The following METTL25B variants were observed in gnomAD, a reference collection of about 807,000 sequenced individuals.
METTL25B encodes methyltransferase like 25B.
A neutral mutation model predicts 48.4 loss-of-function variants in METTL25B; 38 were observed. The observed-to-expected ratio is 0.78, with a 90% CI of 0.61 to 1.03. The LOEUF is 1.03. Among genes scored for constraint, METTL25B ranks in the 50% least tolerant of loss-of-function variants. The pLI, the probability that METTL25B is intolerant of heterozygous loss-of-function variation, is 0.00. For missense variants in METTL25B, 537 were observed against 603.7 expected, an observed-to-expected ratio of 0.89 and a Z score of 1.16; for synonymous variants, 230 against 254.5, an observed-to-expected ratio of 0.90 and a Z score of 0.92.
chr1:156,734,381 C>T lies in METTL25B; in HGVS notation c.1009C>T (p.Arg337Ter), dbSNP rs377702131. ...GCTACAGAAAGCTGGCCCTGGCCTTCGAACTCACTGCTACCGTGCAGCACT... is the reference window on the plus strand; with the variant it reads ...GCTACAGAAAGCTGGCCCTGGCCTTTGAACTCACTGCTACCGTGCAGCACT... Reference protein sequence around the residue: ...ERLQKAGPGLRTHCYRAALET... With the variant: ...ERLQKAGPGL The change falls in exon 6 of 8, where the codon CGA becomes TGA. Residue 337 changes from arginine to a stop codon, truncating the protein, a stop_gained. Transcript: ENST00000368216. LOFTEE classifies it high-confidence loss of function. 6.8e-6 allele frequency: 11 copies of T among 1,613,636 alleles called. No homozygotes were observed. The highest frequency in any genetic ancestry group is 1.6e-4 in the Middle Eastern group (1 of 6,084).
In METTL25B at chr1:156,734,455, G is replaced by A; in HGVS notation, c.1083G>A (p.Val361=). Residue 361 remains valine, a synonymous_variant, in exon 6 of 8, where the codon GTG becomes GTA. Transcript: ENST00000368216. ...RARPELRRPG[V]QGIPRVHELK... ...GGCCCGAGCTCCGTCGGCCAGGCGT[G>A]CAGGGTATCCCCAGGGTCCACGAGC... is the stretch of plus-strand genomic sequence containing the variant. 1 of 1,602,508 alleles carries A rather than the reference G, an allele frequency of 6.2e-7. No individual in the cohort carries two copies. Among genetic ancestry groups the A allele is most frequent in the Non-Finnish European group, 8.5e-7 (1 of 1,174,712 alleles).
Position 156,734,325 on chromosome 1 carries a change from C to T in METTL25B, c.953C>T (p.Ala318Val). Reference sequence around the variant, plus strand: ...CTGCCCTACCGGCTTCGGGAGGGGGCCTGCCATGCCCTGGAGGAATATGCT... The same window carrying T: ...CTGCCCTACCGGCTTCGGGAGGGGGTCTGCCATGCCCTGGAGGAATATGCT... ...YELPYRLREG[A>V]CHALEEYAER... is the part of the protein sequence containing the mutation. Residue 318 changes from alanine (A) to valine (V), a missense_variant, in exon 6 of 8, where the codon GCC becomes GTC. Coordinates refer to ENST00000368216, the MANE Select transcript of METTL25B (RefSeq NM_015997.4). 1 of 1,614,022 alleles carries T rather than the reference C, an allele frequency of 6.2e-7. No individual in the cohort carries two copies. The highest frequency in any genetic ancestry group is 1.1e-5 in the South Asian group (1 of 91,074).
chr1:156,730,573 A>AT (rs1247351352), intron 1 of METTL25B, among the ~76,000 whole-genome samples: 2 of 151,408 alleles, frequency 1.3e-5, no homozygotes, highest in East Asian at 1.9e-4. Context: ...AAATAAAATA[A>AT]AATAAAAAAA....
chr1:156,736,461 G>T, intron 7 of METTL25B, 171 bp from the exon 8 acceptor site: 1 of 673,056 alleles, frequency 1.5e-6, no homozygotes. Context: ...CAAGAGGACT[G>T]CCTCCCAAGT....
rs1279310780 is a variant in METTL25B, at chr1:156,728,595, G to T, written c.-510G>T. 1 of 985,968 alleles carries T rather than the reference G, an allele frequency of 1.0e-6. No individual in the cohort carries two copies. The highest frequency in any genetic ancestry group is 1.2e-6 in the Non-Finnish European group (1 of 830,026). The allele number at this position is 985,968 out of a possible 1,614,324, so 61.1% of individuals were successfully genotyped here. On this transcript the variant is annotated 5_prime_UTR_variant, in exon 1 of 8. Transcript: ENST00000368216. ...CAGTGATTCCGAGTGTGTGAGGAGC[G>T]GCAGTGGCGGCGGAGGAGGGGGCGG...
In METTL25B at chr1:156,729,066, C is replaced by G. The variant is rs747879344; in HGVS notation, c.-39C>G. The G allele has an allele frequency of 4.0e-5, 51 of 1,273,454 alleles. No individual in the cohort carries two copies. Among genetic ancestry groups the G allele is most frequent in the Non-Finnish European group, 5.2e-5 (46 of 887,738 alleles). The allele number at this position is 1,273,454 out of a possible 1,614,324, so 78.9% of individuals were successfully genotyped here. On this transcript the variant is annotated 5_prime_UTR_variant, in exon 1 of 8. Transcript: ENST00000368216. The stretch of plus-strand genomic sequence containing the variant: ...AGTACTGACCCTGGATCCCTGTTCA[C>G]TGCGTTCTCGCTCCCCGCGCTCCCT...
At chr1:156,733,286 C>A in intron 4 of METTL25B, 91 bp from the exon 5 acceptor site, 1 of 1,498,124 alleles carries the variant, frequency 6.7e-7, no homozygotes, top group Non-Finnish European at 9.1e-7. Context: ...TTCTGTGGGG[C>A]CTGGGACCCA....
Position 156,736,612 on chromosome 1 carries a change from G to T in METTL25B, c.1307-20G>T. On this transcript the variant is annotated intron_variant, in intron 7 of 7. Coordinates refer to ENST00000368216, the MANE Select transcript of METTL25B (RefSeq NM_015997.4). ...GAGTTTGGTTCATTCTTCCCCTTAT[G>T]ATTAAGCCCTTTCTCCCAGGTTTCC... The T allele has an allele frequency of 6.2e-7, 1 of 1,613,638 alleles. No homozygotes were observed. Among genetic ancestry groups the T allele is most frequent in the South Asian group, 1.1e-5 (1 of 91,068 alleles).
intron 6 of METTL25B, 44 bp from the exon 7 acceptor site, chr1:156,735,681 G>A: frequency 6.6e-7 from 1 of 1,511,014 alleles, no homozygotes; most frequent in South Asian, 1.3e-5. Flanking sequence ...AGAGGTGACA[G>A]TTCTTAAAAC....
chr1:156,729,426 T>C, intron 1 of METTL25B: 3 of 429,232 alleles, frequency 7.0e-6, no homozygotes, highest in South Asian at 3.8e-5. Flanking sequence ...TTTTTCTTTT[T>C]TTTTTTCTTT....
chr1:156,731,072 C>T (rs1054895438), intron 1 of METTL25B, among the ~76,000 whole-genome samples: 1 of 152,202 alleles, frequency 6.6e-6, no homozygotes, highest in Admixed American at 6.5e-5. Context: ...CATTACATTA[C>T]TGTTTCATTA....
At chr1:156,733,352 G>T in intron 4 of METTL25B, 25 bp from the exon 5 acceptor site, 1 of 1,613,806 alleles carries the variant, frequency 6.2e-7, no homozygotes, top group Non-Finnish European at 8.5e-7. Context: ...GAACAGGGCT[G>T]TTTCCATCCT....
intron 1 of METTL25B, among the ~76,000 whole-genome samples, chr1:156,730,623 T>G (rs1395154242): frequency 6.6e-6 from 1 of 151,126 alleles, no homozygotes; most frequent in Non-Finnish European, 1.5e-5. Context: ...TCCCAGCTAC[T>G]AGGGAGGCTG....
In METTL25B at chr1:156,734,421, G is replaced by T. The variant is rs746990774; in HGVS notation, c.1049G>T (p.Arg350Leu). 1 of 1,610,094 alleles carries T rather than the reference G, an allele frequency of 6.2e-7. No individual in the cohort carries two copies. The highest frequency in any genetic ancestry group is 8.5e-7 in the Non-Finnish European group (1 of 1,178,280). The part of the protein sequence containing the change: ...CYRAALETVI[R>L]RARPELRRPG... Reference sequence around the variant, plus strand: ...CGTGCAGCACTGGAGACAGTCATCCGACGGGCCCGGCCCGAGCTCCGTCGG... The same window carrying T: ...CGTGCAGCACTGGAGACAGTCATCCTACGGGCCCGGCCCGAGCTCCGTCGG... The change falls in exon 6 of 8, where the codon CGA (arginine) becomes CTA (leucine). Residue 350 changes from arginine to leucine, a missense_variant. By Grantham distance (102) the Arg-to-Leu change is moderately radical (BLOSUM62 -2). Coordinates refer to ENST00000368216, the MANE Select transcript of METTL25B (RefSeq NM_015997.4).
At position 156,735,759 on chromosome 1, in the gene METTL25B, G is replaced by C; in HGVS notation, c.1156G>C (p.Asp386His). ...VQRGLQRVGL[D>H]PQLPLNLAAL... is the part of the protein sequence containing the mutation. ...GCGGGGGCTACAGCGAGTGGGGCTA[G>C]ATCCCCAGCTGCCACTGAATCTGGC... Residue 386 changes from aspartate (D) to histidine (H), a missense_variant, in exon 7 of 8, where the codon GAT becomes CAT. Coordinates refer to ENST00000368216, the MANE Select transcript of METTL25B (RefSeq NM_015997.4). 1.2e-6 allele frequency: 2 copies of C among 1,611,742 alleles called. No homozygotes were observed. Among genetic ancestry groups the C allele is most frequent in the African/African-American group, 1.3e-5 (1 of 74,334 alleles).
At chr1:156,733,705 T>C (rs1323583091) in intron 5 of METTL25B, 185 bp downstream of exon 5, 21 of 704,714 alleles carry the variant, frequency 3.0e-5, no homozygotes, top group Non-Finnish European at 4.6e-5. Flanking sequence ...AGTTACTTTC[T>C]ATTTACAAAG....
chr1:156,736,370 G>C, intron 7 of METTL25B: 2 of 385,770 alleles, frequency 5.2e-6, no homozygotes. Context: ...AAAATATTAA[G>C]ATTCCTACCA....
Position 156,732,126 on chromosome 1 carries a change from G to C in METTL25B, c.236+11G>C. ...AGGGGAGGTCGTCAGGTATGGGCTA[G>C]AAGGTCCCTGTGCTGGGGAACTCAA... On this transcript the variant is annotated intron_variant, in intron 2 of 7. Transcript: ENST00000368216. The C allele has an allele frequency of 6.2e-7, 1 of 1,614,182 alleles. No individual in the cohort carries two copies. Among genetic ancestry groups the C allele is most frequent in the Non-Finnish European group, 8.5e-7 (1 of 1,180,020 alleles).
chr1:156,730,458 T>G (rs1649182565), intron 1 of METTL25B, among the ~76,000 whole-genome samples: 1 of 152,106 alleles, frequency 6.6e-6, no homozygotes, highest in South Asian at 2.1e-4. Flanking sequence ...GTACGATGGC[T>G]CACACCTGTA....
Sources: allele counts gnomAD v4.1 joint callset (sites outside exome capture counted in the v4.1 genomes callset), GRCh38; gene constraint gnomAD v4.1.1; transcripts MANE v1.5; gene names NCBI Gene and HGNC (gene_info 2026-07-23, HGNC 2026-07-21).